The following HIF3A variants were observed in gnomAD, a reference collection of about 807,000 sequenced individuals.
HIF3A encodes hypoxia inducible factor 3 subunit alpha.
HIF3A carries 41 observed loss-of-function variants against 67.2 expected under a neutral mutation model. The ratio of observed to expected loss-of-function variants is 0.61; its 90% CI spans 0.48 to 0.79. The LOEUF (loss-of-function observed/expected upper bound fraction) is 0.79, where lower values mean the gene tolerates loss of function less well. Among genes scored for constraint, HIF3A ranks in the 30% least tolerant of loss-of-function variants. The probability of loss-of-function intolerance (pLI) is 0.00; values close to 1 mark genes in which losing one functional copy is unlikely to be tolerated. For synonymous variants in HIF3A, 356 were observed against 374.8 expected (o/e 0.95, Z 0.58); for missense variants, 855 against 898.0 (o/e 0.95, Z 0.61).
chr19:46,309,206 C>T lies in HIF3A; in HGVS notation c.617C>T (p.Pro206Leu), dbSNP rs2147156147. The T allele has an allele frequency of 1.2e-6, 2 of 1,614,154 alleles. No individual in the cohort carries two copies. Among genetic ancestry groups the T allele is most frequent in the East Asian group, 4.5e-5 (2 of 44,872 alleles). Reference sequence around the variant, plus strand: ...TACAAGCCACCTGCGCAGACTTCTCCAGCTGGGAGCCCTGACTCAGAGCCC... The same window carrying T: ...TACAAGCCACCTGCGCAGACTTCTCTAGCTGGGAGCCCTGACTCAGAGCCC... ...RAYKPPAQTS[P>L]AGSPDSEPPL... The change falls in exon 6 of 15, where the codon CCA (proline) becomes CTA (leucine). Residue 206 changes from proline to leucine, a missense_variant. Transcript: ENST00000377670.
At chr19:46,322,737 G>C (rs554213530) in intron 10 of HIF3A, among the ~76,000 whole-genome samples, 1 of 152,188 alleles carries the variant, frequency 6.6e-6, no homozygotes, top group Admixed American at 6.5e-5. Context: ...CACCGTACCT[G>C]GCTCTTTGGG....
intron 7 of HIF3A, 95 bp from the exon 8 acceptor site, chr19:46,312,411 G>C (rs1969517591): frequency 3.1e-6 from 5 of 1,606,246 alleles, no homozygotes; most frequent in South Asian, 1.1e-5. Context: ...CCAAGGAACT[G>C]TCTCCTTCCT....
At chr19:46,308,522 C>T in intron 4 of HIF3A, 141 bp from the exon 5 acceptor site, 1 of 643,548 alleles carries the variant, frequency 1.6e-6, no homozygotes, top group Non-Finnish European at 2.7e-6. Context: ...GGGACACATA[C>T]TACCCCTGGG....
At chr19:46,330,606 G>A (rs997583275) in intron 12 of HIF3A, among the ~76,000 whole-genome samples, 5 of 151,322 alleles carry the variant, frequency 3.3e-5, no homozygotes, top group African/African-American at 9.7e-5. Context: ...ATTAATGGAT[G>A]GATGCATGGA....
At chr19:46,302,072 A>T (rs1440190021) in intron 1 of HIF3A, among the ~76,000 whole-genome samples, 1 of 152,204 alleles carries the variant, frequency 6.6e-6, no homozygotes, top group African/African-American at 2.4e-5. Flanking sequence ...GTAACACATC[A>T]TATAATAATT....
Position 46,308,264 on chromosome 19 carries a change from G to A in HIF3A, c.407G>A (p.Cys136Tyr). Residue 136 changes from cysteine to tyrosine, a missense_variant, in exon 4 of 15, where the codon TGT (cysteine) becomes TAT (tyrosine). By Grantham distance (194) the Cys-to-Tyr change is radical. Around this residue, in one of 3 missense-constraint regions of HIF3A, gnomAD observed 638 missense variants for 660.5 expected, o/e 0.97. Coordinates refer to ENST00000377670, the MANE Select transcript of HIF3A (RefSeq NM_152795.4). Reference protein sequence around the residue: ...GHSIFDFIHPCDQEELQDALT... With the variant: ...GHSIFDFIHPYDQEELQDALT... ...AGCATCTTTGATTTCATCCACCCCT[G>A]TGACCAAGAGGAGCTTCAGGACGCC... 1 of 1,613,874 alleles carries A rather than the reference G, an allele frequency of 6.2e-7. No homozygotes were observed. The highest frequency in any genetic ancestry group is 8.5e-7 in the Non-Finnish European group (1 of 1,179,874).
chr19:46,311,370 G>A (rs919569813), intron 6 of HIF3A, among the ~76,000 whole-genome samples: 1 of 152,166 alleles, frequency 6.6e-6, no homozygotes, highest in Admixed American at 6.5e-5. Flanking sequence ...GCAGGAGGAT[G>A]GCTTGAGGCC....
intron 8 of HIF3A, among the ~76,000 whole-genome samples, chr19:46,318,620 T>A (rs1276412136): frequency 6.6e-6 from 1 of 151,332 alleles, no homozygotes; most frequent in Non-Finnish European, 1.5e-5. Context: ...TTCATTTTAT[T>A]TATTTATTTA....
rs1382370892 is a variant in HIF3A at position 46,297,501 on chromosome 19, G to A, written c.26+399G>A. On this transcript the variant is annotated intron_variant, in intron 1 of 14. Coordinates refer to ENST00000377670, the MANE Select transcript of HIF3A (RefSeq NM_152795.4). The surrounding 1 kb of genome is among the most constrained non-coding windows in gnomAD (Gnocchi z 4.5). ...TGGCCTCTGAACCCCCCAAAATTGA[G>A]GGTATTCTTTGCCACCAGGTGCCTG... Among the ~76,000 whole-genome samples the A allele has an allele frequency of 6.6e-6, 1 of 152,076 alleles. No homozygotes were observed. The highest frequency in any genetic ancestry group is 1.9e-4 in the East Asian group (1 of 5,188).
chr19:46,307,959 T>TAGACAGACAGAC (rs750066520), intron 3 of HIF3A, among the ~76,000 whole-genome samples: 1 of 105,778 alleles, frequency 9.5e-6, no homozygotes, highest in African/African-American at 3.0e-5. Flanking sequence ...GACAGATAGG[T>TAGACAGACAGAC]AGACAGACAG....
chr19:46,299,655 AGCCAAGATCAG>A (rs988239795), intron 1 of HIF3A, among the ~76,000 whole-genome samples: 7 of 146,462 alleles, frequency 4.8e-5, no homozygotes, highest in African/African-American at 1.8e-4. Flanking sequence ...GGTTGTAATG[AGCCAAGATCAG>A]GCCACTGCAC....
chr19:46,308,501 G>T, intron 4 of HIF3A, 162 bp from the exon 5 acceptor site: 1 of 629,674 alleles, frequency 1.6e-6, no homozygotes, highest in South Asian at 2.0e-5. Context: ...CCCTGCCCTG[G>T]GGGGTCCAAG....
chr19:46,343,005 T>A lies in HIF3A; in HGVS notation c.*3383T>A, dbSNP rs1021372725. ...CCCTCACCCCTTGGGTGGTTTGCAA[T>A]CTGAAGACTTCTCCAGCCACACAGG... On this transcript the variant is annotated 3_prime_UTR_variant, in exon 15 of 15. Coordinates refer to ENST00000377670, the MANE Select transcript of HIF3A (RefSeq NM_152795.4). 9 of 152,722 alleles carry A rather than the reference T, an allele frequency of 5.9e-5. No individual in the cohort carries two copies. Among genetic ancestry groups the A allele is most frequent in the Middle Eastern group, 3.4e-3 (1 of 294 alleles). 9.5% of individuals were successfully genotyped at this position (152,722 alleles called of 1,614,324 possible). A position where few individuals can be genotyped will look rare whatever the true frequency, so the allele number is the denominator to read the frequency against.
chr19:46,322,767 C>T (rs1054159855), intron 10 of HIF3A, among the ~76,000 whole-genome samples: 1 of 151,986 alleles, frequency 6.6e-6, no homozygotes, highest in Non-Finnish European at 1.5e-5. Flanking sequence ...TTTGCTGGAG[C>T]GGCTCACAGT....
chr19:46,315,679 C>T (rs998055777), intron 8 of HIF3A, among the ~76,000 whole-genome samples: 16 of 151,982 alleles, frequency 1.1e-4, no homozygotes, highest in East Asian at 3.9e-4. Flanking sequence ...TTTGGGAGGC[C>T]GAGGAGGGCA....
At chr19:46,298,897 C>A (rs947581624) in intron 1 of HIF3A, among the ~76,000 whole-genome samples, 1 of 151,550 alleles carries the variant, frequency 6.6e-6, no homozygotes, top group African/African-American at 2.4e-5. Flanking sequence ...CGCCCCCCCC[C>A]AATACCCAGC....
At chr19:46,321,403 G>C (rs1203525563) in intron 9 of HIF3A, among the ~76,000 whole-genome samples, 1 of 152,140 alleles carries the variant, frequency 6.6e-6, no homozygotes, top group Non-Finnish European at 1.5e-5. Flanking sequence ...GGCCAACATG[G>C]TGAAACCCTG....
Position 46,339,546 on chromosome 19 carries a change from C to T in HIF3A, c.1934C>T (p.Ser645Phe), listed in dbSNP as rs966495988. Residue 645 changes from serine to phenylalanine, a missense_variant, in exon 15 of 15, where the codon TCT becomes TTT. By Grantham distance (155) the Ser-to-Phe change is radical. Around this residue, in one of 3 missense-constraint regions of HIF3A, gnomAD observed 199 missense variants for 193.8 expected, o/e 1.03. Coordinates refer to ENST00000377670, the MANE Select transcript of HIF3A (RefSeq NM_152795.4). ...EPLGLGPSLL[S>F]PYSDEDTTQP... ...GCAGGCCTGGGCCCCTCACTGCTCT[C>T]TCCGTACTCAGACGAGGACACTACC... is the stretch of plus-strand genomic sequence containing the variant. 1 of 1,607,234 alleles carries T rather than the reference C, an allele frequency of 6.2e-7. No individual in the cohort carries two copies. Among genetic ancestry groups the T allele is most frequent in the Non-Finnish European group, 8.5e-7 (1 of 1,175,924 alleles).
chr19:46,303,099 G>A (rs950740793), intron 1 of HIF3A, among the ~76,000 whole-genome samples: 1 of 152,210 alleles, frequency 6.6e-6, no homozygotes, highest in Non-Finnish European at 1.5e-5. Flanking sequence ...GTCCTCATCT[G>A]TTCAATGGGA....
Sources: allele counts gnomAD v4.1 joint callset (sites outside exome capture counted in the v4.1 genomes callset), GRCh38; gene constraint gnomAD v4.1.1; regional missense constraint gnomAD v4.1.1; non-coding constraint Gnocchi (gnomAD v3.1); transcripts MANE v1.5; gene names NCBI Gene and HGNC (gene_info 2026-07-23, HGNC 2026-07-21).